Variants in SNTG1 observed in about 807,000 individuals in gnomAD.
The protein encoded by SNTG1 is syntrophin gamma 1.
In SNTG1, 39 loss-of-function variants were observed where a neutral mutation model predicts 74.7. That is an observed-to-expected ratio of 0.52 (90% confidence interval 0.40 to 0.68). The LOEUF (loss-of-function observed/expected upper bound fraction) is 0.68, where lower values mean the gene tolerates loss of function less well. Ranked by LOEUF, SNTG1 falls within the 30% of genes least tolerant of loss-of-function variation. The pLI is 0.00. For synonymous variants in SNTG1, 254 were observed against 217.1 expected, an observed-to-expected ratio of 1.17 and a Z score of -1.49; for missense variants, 685 against 609.5, an observed-to-expected ratio of 1.12 and a Z score of -1.30.
chr8:50,197,946 G>T (rs2083840950), intron 2 of SNTG1, among the ~76,000 whole-genome samples: 1 of 152,110 alleles, frequency 6.6e-6, no homozygotes, highest in East Asian at 1.9e-4. Flanking sequence ...ACAATTCTAA[G>T]ACATTATTTT....
chr8:50,548,175 T>C (rs1426519064), intron 11 of SNTG1, among the ~76,000 whole-genome samples: 2 of 152,138 alleles, frequency 1.3e-5, no homozygotes, highest in Non-Finnish European at 2.9e-5. Context: ...TTAGTTAAAC[T>C]GGATTTATTG....
At chr8:50,522,792 T>C (rs949136067) in intron 9 of SNTG1, among the ~76,000 whole-genome samples, 17 of 152,264 alleles carry the variant, frequency 1.1e-4, no homozygotes, top group African/African-American at 3.8e-4. Context: ...TTGGCCAGGA[T>C]GGCCTTGATC....
intron 1 of SNTG1, among the ~76,000 whole-genome samples, chr8:49,983,683 C>G (rs1283640101): frequency 1.3e-5 from 2 of 152,180 alleles, no homozygotes; most frequent in African/African-American, 4.8e-5. Flanking sequence ...TCACAGCAAC[C>G]AACAGAGGCC....
intron 18 of SNTG1, among the ~76,000 whole-genome samples, chr8:50,769,151 C>G (rs550754825): frequency 6.6e-6 from 1 of 151,450 alleles, no homozygotes; most frequent in South Asian, 2.1e-4. Context: ...GTTAAGAGTA[C>G]TCTGTACTCT....
intron 2 of SNTG1, among the ~76,000 whole-genome samples, chr8:50,381,654 A>C (rs1172252094): frequency 3.2e-5 from 2 of 62,470 alleles, no homozygotes; most frequent in Non-Finnish European, 7.0e-5. Context: ...ATATATATAT[A>C]TATATCCTAT....
rs184694755 is a variant in SNTG1, at chr8:50,663,951, G to A, written c.1038+5288G>A. On this transcript the variant is annotated intron_variant, in intron 15 of 18. Coordinates refer to ENST00000642720, the MANE Select transcript of SNTG1 (RefSeq NM_018967.5). ...GATCTCAACCACACTTACATAAACA[G>A]CAATTCTATCCTGATGACTCCAAAT... 1.4e-3 allele frequency among the ~76,000 whole-genome samples: 207 copies of A among 152,072 alleles called. 2 individuals carry two copies. The highest frequency in any genetic ancestry group is 0.01 in the Middle Eastern group (3 of 294).
chr8:50,391,239 T>C (rs10481266), intron 2 of SNTG1, among the ~76,000 whole-genome samples: 151,366 of 152,266 alleles, frequency 0.99, 75,244 homozygotes, highest in Middle Eastern at 1. Context: ...TTTTGAGATA[T>C]GTCCCATCGA....
chr8:50,419,305 C>T (rs780282863), intron 4 of SNTG1, among the ~76,000 whole-genome samples: 23 of 152,292 alleles, frequency 1.5e-4, no homozygotes, highest in South Asian at 8.3e-4. Flanking sequence ...TTTCTATCTC[C>T]AATGGCAATG....
Position 50,727,697 on chromosome 8 carries a change from C to T in SNTG1, c.1284+18719C>T, listed in dbSNP as rs78844276. On this transcript the variant is annotated intron_variant, in intron 17 of 18. Coordinates refer to ENST00000642720, the MANE Select transcript of SNTG1 (RefSeq NM_018967.5). The stretch of plus-strand genomic sequence containing the variant: ...TCCTCCACTCCTCATTCTTGATTGG[C>T]CCTGTCATTACCATAACATCTGCTG... 3.2e-4 allele frequency among the ~76,000 whole-genome samples: 49 copies of T among 152,264 alleles called. 1 individual carries two copies. In the East Asian group the frequency reaches 9.1e-3, roughly 28 times the overall value.
At chr8:50,571,530 G>A (rs1432952055) in intron 12 of SNTG1, among the ~76,000 whole-genome samples, 1 of 152,232 alleles carries the variant, frequency 6.6e-6, no homozygotes, top group Non-Finnish European at 1.5e-5. Flanking sequence ...CTGAGAAGCT[G>A]AGGCCAGTTC....
intron 8 of SNTG1, among the ~76,000 whole-genome samples, chr8:50,477,371 T>C (rs1042803338): frequency 4.6e-5 from 7 of 151,870 alleles, no homozygotes; most frequent in African/African-American, 1.5e-4. Flanking sequence ...ATTTCTGTGG[T>C]CCCCTTCCCC....
chr8:50,784,354 T>C (rs1411337883), intron 18 of SNTG1, among the ~76,000 whole-genome samples: 1 of 152,148 alleles, frequency 6.6e-6, no homozygotes, highest in Non-Finnish European at 1.5e-5. Context: ...CAAATATATA[T>C]ATCTTGTATA....
At chr8:50,152,294 T>C (rs1452249004) in intron 1 of SNTG1, among the ~76,000 whole-genome samples, 1 of 152,202 alleles carries the variant, frequency 6.6e-6, no homozygotes, top group East Asian at 1.9e-4. Context: ...TTTGAGCCTA[T>C]GTGTGTCTCT....
intron 9 of SNTG1, among the ~76,000 whole-genome samples, chr8:50,520,542 C>T (rs1381377973): frequency 6.6e-6 from 1 of 151,050 alleles, no homozygotes; most frequent in Non-Finnish European, 1.5e-5. Context: ...AGGCTGATAT[C>T]CAGAATCTAT....
chr8:50,643,603 C>T (rs1302625395), intron 13 of SNTG1, among the ~76,000 whole-genome samples: 1 of 152,168 alleles, frequency 6.6e-6, no homozygotes, highest in Admixed American at 6.5e-5. Flanking sequence ...ATGTTTAGTT[C>T]ATTTTATAAC....
In SNTG1 at chr8:50,013,464, GAGATAGATAGATAGAT is replaced by G. The variant is rs56718258; in HGVS notation, c.-103+101261_-103+101276del. Among the ~76,000 whole-genome samples the G allele has an allele frequency of 2.1e-3, 314 of 148,522 alleles. 1 individual carries two copies. Among genetic ancestry groups the G allele is most frequent in the East Asian group, 7.2e-3 (36 of 4,982 alleles). On this transcript the variant is annotated intron_variant, in intron 1 of 18. Coordinates refer to ENST00000642720, the MANE Select transcript of SNTG1 (RefSeq NM_018967.5). ...CTATAACCTCCAGAATGGGGATAGA[GAGATAGATAGATAGAT>G]AGATAGATAGATAGATAGATAGATA... is the stretch of plus-strand genomic sequence containing the variant.
intron 2 of SNTG1, among the ~76,000 whole-genome samples, chr8:50,296,272 C>G (rs980434573): frequency 2.6e-5 from 4 of 152,108 alleles, no homozygotes; most frequent in African/African-American, 7.2e-5. Context: ...GGAATATACC[C>G]AAAGGAATAT....
intron 2 of SNTG1, among the ~76,000 whole-genome samples, chr8:50,326,884 C>T (rs747784037): frequency 2.0e-5 from 3 of 151,870 alleles, no homozygotes; most frequent in Non-Finnish European, 4.4e-5. Context: ...TGAAAAGTGG[C>T]GTTTTTATTT....
chr8:50,361,449 C>G (rs1487927758), intron 2 of SNTG1, among the ~76,000 whole-genome samples: 1 of 152,152 alleles, frequency 6.6e-6, no homozygotes, highest in Non-Finnish European at 1.5e-5. Context: ...GCATCATAAG[C>G]ATTCCTCTGT....
Sources: gnomAD v4.1 joint callset for allele counts (sites outside exome capture counted in the v4.1 genomes callset) on GRCh38, gnomAD v4.1.1 for gene constraint, MANE v1.5 for transcripts, NCBI Gene and HGNC (gene_info 2026-07-23, HGNC 2026-07-21) for gene names.